Variants in ZNF536 observed in about 807,000 individuals in gnomAD.
ZNF536 encodes the protein zinc finger protein 536.
ZNF536 carries 13 observed loss-of-function variants against 84.5 expected under a neutral mutation model. The ratio of observed to expected loss-of-function variants is 0.15; its 90% CI spans 0.10 to 0.24. The LOEUF (loss-of-function observed/expected upper bound fraction) is 0.24, where lower values mean the gene tolerates loss of function less well. ZNF536 is among the 10% of genes least tolerant of loss of function. The pLI is 1.00. For missense variants in ZNF536, 1,536 were observed against 1,747.5 expected (o/e 0.88, Z 2.16); for synonymous variants, 811 against 742.5 (o/e 1.09, Z -1.50).
At chr19:30,658,560 C>G (rs118179019) in intron 1 of ZNF536, among the ~76,000 whole-genome samples, 3 of 152,142 alleles carry the variant, frequency 2.0e-5, no homozygotes, top group African/African-American at 7.2e-5. Context: ...CACACACACA[C>G]GCATACACCT....
intron 1 of ZNF536, among the ~76,000 whole-genome samples, chr19:30,375,996 T>C (rs1397768594): frequency 6.6e-6 from 1 of 152,170 alleles, no homozygotes; most frequent in Non-Finnish European, 1.5e-5. Flanking sequence ...GAGCCATGTG[T>C]ATATCTGCAT....
At chr19:30,521,088 ATGAAG>A (rs1029707967) in intron 2 of ZNF536, among the ~76,000 whole-genome samples, 1 of 152,242 alleles carries the variant, frequency 6.6e-6, no homozygotes, top group African/African-American at 2.4e-5. Context: ...CAACAAGGAA[ATGAAG>A]GCTCATGAAG....
intron 2 of ZNF536, among the ~76,000 whole-genome samples, chr19:30,504,314 C>T: frequency 6.8e-6 from 1 of 147,652 alleles, no homozygotes; most frequent in South Asian, 2.2e-4. Context: ...TTCCTCCCTC[C>T]CACCAGCCTC....
At chr19:30,442,730 A>G (rs185354408) in intron 1 of ZNF536, among the ~76,000 whole-genome samples, 63 of 152,356 alleles carry the variant, frequency 4.1e-4, no homozygotes, top group African/African-American at 5.8e-4. Context: ...GTTTCGTAAC[A>G]TAAGGGTTAA....
At chr19:30,678,765 T>G (rs1186143239) in intron 1 of ZNF536, among the ~76,000 whole-genome samples, 3 of 145,852 alleles carry the variant, frequency 2.1e-5, no homozygotes, top group African/African-American at 7.5e-5. Flanking sequence ...CCTTACTGTT[T>G]AGGCTTAACT....
At chr19:30,411,514 G>A (rs1238485630) in intron 1 of ZNF536, among the ~76,000 whole-genome samples, 1 of 152,074 alleles carries the variant, frequency 6.6e-6, no homozygotes, top group Non-Finnish European at 1.5e-5. Flanking sequence ...CTTTTTGTGT[G>A]AAGTAATGTT....
chr19:30,586,135 G>T (rs1173497827), intron 1 of ZNF536, among the ~76,000 whole-genome samples: 2 of 152,188 alleles, frequency 1.3e-5, no homozygotes, highest in Non-Finnish European at 2.9e-5. Flanking sequence ...CTATTTCTAA[G>T]ACTGAGTTTT....
At chr19:30,644,613 G>A (rs866341062) in intron 1 of ZNF536, among the ~76,000 whole-genome samples, 4 of 152,028 alleles carry the variant, frequency 2.6e-5, no homozygotes, top group African/African-American at 4.8e-5. Flanking sequence ...GAGAACATGC[G>A]GTGTTTGGTT....
intron 1 of ZNF536, among the ~76,000 whole-genome samples, chr19:30,598,088 A>G (rs1427753428): frequency 6.6e-6 from 1 of 152,204 alleles, no homozygotes; most frequent in African/African-American, 2.4e-5. Flanking sequence ...GTAGGCATGC[A>G]TCGTGAATCC....
chr19:30,503,894 G>A (rs561958898), intron 2 of ZNF536, among the ~76,000 whole-genome samples: 2 of 150,562 alleles, frequency 1.3e-5, no homozygotes, highest in Admixed American at 1.3e-4. Context: ...TTTGGGGTTT[G>A]TCTTTCTTTC....
At chr19:30,363,761 G>A (rs144480001) in intron 3 of ZNF536, among the ~76,000 whole-genome samples, 139 of 152,326 alleles carry the variant, frequency 9.1e-4, no homozygotes, top group Non-Finnish European at 1.5e-3. Context: ...TTTAAAGAGA[G>A]GAAAAACTGG....
chr19:30,689,377 T>C (rs2051319338), intron 1 of ZNF536, among the ~76,000 whole-genome samples: 1 of 152,232 alleles, frequency 6.6e-6, no homozygotes, highest in South Asian at 2.1e-4. Flanking sequence ...CATGTCCGTC[T>C]GTGAGGGCAG....
chr19:30,362,610 C>T (rs749978540), intron 3 of ZNF536, among the ~76,000 whole-genome samples: 3 of 152,122 alleles, frequency 2.0e-5, no homozygotes, highest in African/African-American at 4.8e-5. Context: ...TTTCCTTTGC[C>T]AAGCCTACTC....
chr19:30,325,381 G>T (rs1568332792), intron 2 of ZNF536, among the ~76,000 whole-genome samples: 1 of 152,236 alleles, frequency 6.6e-6, no homozygotes, highest in Non-Finnish European at 1.5e-5. Flanking sequence ...ACCCAGGGCT[G>T]CAAGTCAGCA....
intron 2 of ZNF536, among the ~76,000 whole-genome samples, chr19:30,311,593 C>A (rs865950746): frequency 6.6e-6 from 1 of 152,098 alleles, no homozygotes; most frequent in Middle Eastern, 3.2e-3. Context: ...TTAATATTTT[C>A]ATTGAAGCAG....
chr19:30,682,611 G>A (rs991678426), intron 1 of ZNF536, among the ~76,000 whole-genome samples: 1 of 152,188 alleles, frequency 6.6e-6, no homozygotes, highest in African/African-American at 2.4e-5. Context: ...CGTTGGCAGG[G>A]GGCAGCTCAC....
At chr19:30,238,514 C>T (rs1045766695) in intron 1 of ZNF536, among the ~76,000 whole-genome samples, 4 of 152,024 alleles carry the variant, frequency 2.6e-5, no homozygotes, top group Non-Finnish European at 5.9e-5. Flanking sequence ...TTGCTGGATT[C>T]CTGGTAGGGA....
At chr19:30,698,605 G>C (rs576919097) in intron 1 of ZNF536, among the ~76,000 whole-genome samples, 1 of 152,178 alleles carries the variant, frequency 6.6e-6, no homozygotes, top group South Asian at 2.1e-4. Flanking sequence ...TTTGCAGAAC[G>C]TCCCTCAGTT....
At chr19:30,468,800 G>C (rs903569576) in intron 2 of ZNF536, among the ~76,000 whole-genome samples, 1 of 152,148 alleles carries the variant, frequency 6.6e-6, no homozygotes, top group Non-Finnish European at 1.5e-5. Flanking sequence ...CAGAGATGGT[G>C]TGGACCCTGA....
Sources: gnomAD v4.1 joint callset for allele counts (sites outside exome capture counted in the v4.1 genomes callset) on GRCh38, gnomAD v4.1.1 for gene constraint, MANE v1.5 for transcripts, NCBI Gene and HGNC (gene_info 2026-07-23, HGNC 2026-07-21) for gene names.